HIBADH: variants seen among roughly 807,000 people sequenced by gnomAD.
HIBADH encodes 3-hydroxyisobutyrate dehydrogenase, also known as 3-hydroxyisobutyrate dehydrogenase, mitochondrial.
HIBADH carries 25 observed loss-of-function variants against 36.1 expected under a neutral mutation model. That is an observed-to-expected ratio of 0.69 (90% CI 0.50 to 0.97). The LOEUF (loss-of-function observed/expected upper bound fraction) is 0.97. HIBADH is among the 50% of genes least tolerant of loss of function. The pLI is 0.00. For synonymous variants in HIBADH, 160 were observed against 149.5 expected (o/e 1.07, Z -0.51); for missense variants, 421 against 418.0 (o/e 1.01, Z -0.06).
At chr7:27,642,085 G>A (rs571090416) in intron 2 of HIBADH, among the ~76,000 whole-genome samples, 80 of 152,282 alleles carry the variant, frequency 5.3e-4, no homozygotes, top group Non-Finnish European at 9.3e-4. Context: ...TCTGGGAGGA[G>A]CACCGACCCA....
At chr7:27,594,494 G>A (rs1383572304) in intron 4 of HIBADH, among the ~76,000 whole-genome samples, 1 of 152,098 alleles carries the variant, frequency 6.6e-6, no homozygotes, top group Non-Finnish European at 1.5e-5. Context: ...AAATCAATGA[G>A]TATATCTTAT....
intron 2 of HIBADH, among the ~76,000 whole-genome samples, chr7:27,640,721 T>A (rs1335488286): frequency 6.6e-6 from 1 of 152,194 alleles, no homozygotes; most frequent in Non-Finnish European, 1.5e-5. Context: ...TGCACGAACA[T>A]CAGAGAGAGC....
intron 4 of HIBADH, among the ~76,000 whole-genome samples, chr7:27,605,468 T>G (rs1393821574): frequency 7.1e-6 from 1 of 139,890 alleles, no homozygotes; most frequent in African/African-American, 2.7e-5. Flanking sequence ...TTTTTTTTTT[T>G]TTTTTTTACA....
chr7:27,626,104 G>GAAAAAAAAAAA lies in HIBADH; in HGVS notation c.484+3256_484+3266dup, dbSNP rs70994672. ...GGTGACACAGTGAGACTCCGTCTCAGAAAAAAAAAAAAAAAAAAAAAAGAT... is the reference window on the plus strand; with the variant it reads ...GGTGACACAGTGAGACTCCGTCTCAGAAAAAAAAAAAAAAAAAAAAAAAAAAAAAAAAAGAT... On this transcript the variant is annotated intron_variant, in intron 4 of 7. Transcript: ENST00000265395. Among the ~76,000 whole-genome samples, 15 of 72,498 alleles carry GAAAAAAAAAAA rather than the reference G, an allele frequency of 2.1e-4. 1 individual carries two copies. The highest frequency in any genetic ancestry group is 6.4e-4 in the African/African-American group (12 of 18,662). The allele number at this position is 72,498 out of a possible 152,430, so 47.6% of individuals were successfully genotyped here. A position where few individuals can be genotyped will look rare whatever the true frequency, so the allele number is the denominator to read the frequency against.
At chr7:27,568,399 C>T (rs1173504199) in intron 4 of HIBADH, among the ~76,000 whole-genome samples, 1 of 152,026 alleles carries the variant, frequency 6.6e-6, no homozygotes, top group African/African-American at 2.4e-5. Context: ...AATCATTGTT[C>T]CCCTGTAATG....
chr7:27,538,527 A>C, intron 5 of HIBADH, 110 bp from the exon 6 acceptor site: 1 of 866,148 alleles, frequency 1.2e-6, no homozygotes, highest in Non-Finnish European at 1.9e-6. Context: ...AATAACATTC[A>C]ACTGTTGATT....
intron 4 of HIBADH, among the ~76,000 whole-genome samples, chr7:27,581,778 C>T (rs1235365185): frequency 6.6e-6 from 1 of 151,842 alleles, no homozygotes; most frequent in African/African-American, 2.4e-5. Context: ...TTAAAGACCA[C>T]CATACAGAAT....
intron 3 of HIBADH, among the ~76,000 whole-genome samples, chr7:27,630,872 T>C (rs1785735392): frequency 6.6e-6 from 1 of 152,194 alleles, no homozygotes; most frequent in Non-Finnish European, 1.5e-5. Flanking sequence ...AGTATGTAGG[T>C]TTCTCTTTAG....
chr7:27,662,268 AGT>A (rs1786438346), intron 1 of HIBADH, among the ~76,000 whole-genome samples: 1 of 152,098 alleles, frequency 6.6e-6, no homozygotes, highest in African/African-American at 2.4e-5. Flanking sequence ...CTGCTGCCCA[AGT>A]GTGTCCCCAA....
intron 4 of HIBADH, among the ~76,000 whole-genome samples, chr7:27,585,273 G>A (rs1213853052): frequency 6.7e-6 from 1 of 150,374 alleles, no homozygotes; most frequent in Non-Finnish European, 1.5e-5. Flanking sequence ...GTATGTATGT[G>A]TATGTATATG....
chr7:27,647,223 G>C (rs1165057910), intron 2 of HIBADH, among the ~76,000 whole-genome samples: 2 of 152,228 alleles, frequency 1.3e-5, no homozygotes, highest in African/African-American at 4.8e-5. Flanking sequence ...GGGCCAGGGA[G>C]TGTCTGCAGC....
rs973738776 is a variant in HIBADH at position 27,643,082 on chromosome 7, A to G, written c.252+6391T>C. The stretch of plus-strand genomic sequence containing the variant: ...ACAATTTGGAATCACATATTTGTGT[A>G]ATTTGATAATCTAACACCACCTATT... On this transcript the variant is annotated intron_variant, in intron 2 of 7. Transcript: ENST00000265395. Among the ~76,000 whole-genome samples, 3 of 152,208 alleles carry G rather than the reference A, an allele frequency of 2.0e-5. No homozygotes were observed. In the East Asian group the frequency reaches 5.8e-4, roughly 29 times the overall value.
chr7:27,545,877 A>C (rs1294348513), intron 4 of HIBADH, among the ~76,000 whole-genome samples: 1 of 152,124 alleles, frequency 6.6e-6, no homozygotes, highest in Non-Finnish European at 1.5e-5. Flanking sequence ...CCCATTATCT[A>C]TTATAGTGCA....
At chr7:27,588,487 C>A (rs975890019) in intron 4 of HIBADH, among the ~76,000 whole-genome samples, 1 of 151,950 alleles carries the variant, frequency 6.6e-6, no homozygotes, top group Non-Finnish European at 1.5e-5. Context: ...GCCACCACAC[C>A]CAGCTAAGAT....
At chr7:27,536,250 G>A (rs758563579) in intron 6 of HIBADH, among the ~76,000 whole-genome samples, 7 of 151,990 alleles carry the variant, frequency 4.6e-5, no homozygotes, top group Non-Finnish European at 8.8e-5. Flanking sequence ...GAGAATCTTC[G>A]TAAGATAAAG....
intron 4 of HIBADH, among the ~76,000 whole-genome samples, chr7:27,562,057 G>C (rs574493630): frequency 1.4e-4 from 21 of 152,112 alleles, no homozygotes; most frequent in South Asian, 1.2e-3. Flanking sequence ...AATCCAACAT[G>C]ATAAAAATCT....
chr7:27,605,558 G>C (rs1785207252), intron 4 of HIBADH, among the ~76,000 whole-genome samples: 1 of 109,360 alleles, frequency 9.1e-6, no homozygotes, highest in African/African-American at 3.6e-5. Context: ...TTTATACGCT[G>C]GATTCCCCTC....
At chr7:27,611,512 C>A (rs201278474) in intron 4 of HIBADH, among the ~76,000 whole-genome samples, 1 of 51,438 alleles carries the variant, frequency 1.9e-5, no homozygotes, top group African/African-American at 7.4e-5. Context: ...ACACACACAC[C>A]CACCCACCCA....
intron 4 of HIBADH, among the ~76,000 whole-genome samples, chr7:27,558,528 C>A (rs992435455): frequency 1.3e-5 from 2 of 151,968 alleles, no homozygotes; most frequent in African/African-American, 4.8e-5. Flanking sequence ...TGGCGTCTTG[C>A]CATTTGCCAG....
Sources: gnomAD v4.1 joint callset for allele counts (sites outside exome capture counted in the v4.1 genomes callset) on GRCh38, gnomAD v4.1.1 for gene constraint, MANE v1.5 for transcripts, NCBI Gene and HGNC (gene_info 2026-07-23, HGNC 2026-07-21) for gene names.